The following ZNF320 variants were observed in gnomAD, a reference collection of about 807,000 sequenced individuals.
ZNF320 encodes the protein zinc finger gene 320.
ZNF320 carries 2 observed loss-of-function variants against 6.8 expected under a neutral mutation model. That is an observed-to-expected ratio of 0.29 (90% CI 0.12 to 0.93). ZNF320 has a LOEUF of 0.93. Among genes scored for constraint, ZNF320 ranks in the 40% least tolerant of loss-of-function variants. The pLI is 0.55. For synonymous variants in ZNF320, 208 were observed against 203.2 expected (o/e 1.02, Z -0.20); for missense variants, 472 against 611.0 (o/e 0.77, Z 2.40).
chr19:52,889,712 T>C (rs532183008), intron 4 of ZNF320, among the ~76,000 whole-genome samples: 1 of 152,196 alleles, frequency 6.6e-6, no homozygotes, highest in Non-Finnish European at 1.5e-5. Flanking sequence ...ATCATTCATA[T>C]CTATGTATGA....
chr19:52,867,182 A>AT (rs1206676159), intron 5 of ZNF320, among the ~76,000 whole-genome samples: 9 of 151,612 alleles, frequency 5.9e-5, no homozygotes, highest in East Asian at 3.9e-4. Flanking sequence ...TAATTAATTA[A>AT]TTAATTAATT....
chr19:52,861,525 G>A (rs1285467442), exon 6 of ZNF320, among the ~76,000 whole-genome samples: 2 of 152,188 alleles, frequency 1.3e-5, no homozygotes, highest in African/African-American at 2.4e-5. Flanking sequence ...GCACACGTCT[G>A]TTGGCCAGGC....
chr19:52,869,417 G>A (rs1052840207), intron 5 of ZNF320, among the ~76,000 whole-genome samples: 5 of 152,302 alleles, frequency 3.3e-5, no homozygotes, highest in South Asian at 2.1e-4. Flanking sequence ...GTGCAGCAGC[G>A]AAGGAGACCA....
intron 5 of ZNF320, among the ~76,000 whole-genome samples, chr19:52,869,497 G>C (rs1016749320): frequency 3.3e-5 from 5 of 152,178 alleles, no homozygotes; most frequent in African/African-American, 1.2e-4. Flanking sequence ...ACTGAGCGCA[G>C]TGGCTCATGC....
Position 52,881,476 on chromosome 19 carries a change from T to C in ZNF320, c.650A>G (p.Tyr217Cys), listed in dbSNP as rs747947369. The C allele has an allele frequency of 2.5e-6, 4 of 1,614,238 alleles. No homozygotes were observed. Among genetic ancestry groups the C allele is most frequent in the Middle Eastern group, 1.6e-4 (1 of 6,062 alleles). ...AACCTTGCCACATTCATTACATGTG[T>C]AATGTTTGTCTCCCCTGTGAATTCT... ...HTRIHRGDKH[Y>C]TCNECGKVFD... is the part of the protein sequence containing the mutation. The change falls in exon 6 of 6, where the codon TAC becomes TGC. Residue 217 changes from tyrosine to cysteine, a missense_variant. Transcript: ENST00000682928.
rs199761872 is a variant in ZNF320 at position 52,895,464 on chromosome 19, A to AAAACAAAC, written c.-269-1616_-269-1609dup. 6.9e-3 allele frequency: 1,045 copies of AAAACAAAC among 152,402 alleles called. 12 individuals are homozygous for AAAACAAAC. Among genetic ancestry groups the AAAACAAAC allele is most frequent in the African/African-American group, 0.024 (995 of 41,480 alleles). 9.4% of individuals were successfully genotyped at this position (152,402 alleles called of 1,614,324 possible). ...GGCAATAAGAGCAAAACTCCATCTC[A>AAAACAAAC]AAACAAACAAACAAAATAGGTCCTT... On this transcript the variant is annotated intron_variant, in intron 1 of 5. Coordinates refer to ENST00000682928, the MANE Select transcript of ZNF320 (RefSeq NM_001351774.2).
rs760523681 is a variant in ZNF320, at chr19:52,881,215, T to C, written c.911A>G (p.Asn304Ser). The C allele has an allele frequency of 6.2e-7, 1 of 1,614,082 alleles. No individual in the cohort carries two copies. The highest frequency in any genetic ancestry group is 1.3e-5 in the African/African-American group (1 of 74,938). ...VHTAEKPYKC[N>S]ECGKVFKQRA... Reference sequence around the variant, plus strand: ...TTGCTTAAAAACCTTGCCACATTCATTACACTTATAGGGTTTCTCTGCAGT... The same window carrying C: ...TTGCTTAAAAACCTTGCCACATTCACTACACTTATAGGGTTTCTCTGCAGT... Residue 304 changes from asparagine (N) to serine (S), a missense_variant, in exon 6 of 6, where the codon AAT (asparagine) becomes AGT (serine). Physicochemically the swap from Asn to Ser is conservative, Grantham distance 46. This residue lies in a region of ZNF320 where 462 missense variants were observed against 559.7 expected (regional missense o/e 0.83). Coordinates refer to ENST00000682928, the MANE Select transcript of ZNF320 (RefSeq NM_001351774.2).
Position 52,881,692 on chromosome 19 carries a change from T to G in ZNF320, c.434A>C (p.His145Pro). 6.2e-7 allele frequency: 1 copy of G among 1,614,012 alleles called. No individual in the cohort carries two copies. Among genetic ancestry groups the G allele is most frequent in the Non-Finnish European group, 8.5e-7 (1 of 1,179,894 alleles). ...PIKGQLESRF[H>P]LHLRRHRRIH... ...TCTCCTATGTCTTCGCAAATGCAAATGAAATCTTGATTCAAGCTGACCTTT... is the reference window on the plus strand; with the variant it reads ...TCTCCTATGTCTTCGCAAATGCAAAGGAAATCTTGATTCAAGCTGACCTTT... The change falls in exon 6 of 6, where the codon CAT becomes CCT. Residue 145 changes from histidine (H) to proline (P), a missense_variant. This residue lies in a region of ZNF320 where 462 missense variants were observed against 559.7 expected (regional missense o/e 0.83). Coordinates refer to ENST00000682928, the MANE Select transcript of ZNF320 (RefSeq NM_001351774.2).
intron 2 of ZNF320, chr19:52,891,963 C>G (rs1382661534): frequency 6.6e-6 from 1 of 152,184 alleles, no homozygotes; most frequent in Non-Finnish European, 1.5e-5. Context: ...AAAGAAACTT[C>G]TTTTGCAACG....
At chr19:52,897,264 C>T (rs2064502605) in intron 1 of ZNF320, among the ~76,000 whole-genome samples, 1 of 152,218 alleles carries the variant, frequency 6.6e-6, no homozygotes, top group Non-Finnish European at 1.5e-5. Flanking sequence ...AGGCAGAGGA[C>T]GCGGCCTCCC....
chr19:52,880,448 G>A lies in ZNF320; in HGVS notation c.*148C>T. ...ATTCATGACCTCAAGTGACCTACCTGTCTTGGCCTCTCAAAGTGCTGGGAT... is the reference window on the plus strand; with the variant it reads ...ATTCATGACCTCAAGTGACCTACCTATCTTGGCCTCTCAAAGTGCTGGGAT... On this transcript the variant is annotated 3_prime_UTR_variant, in exon 6 of 6. Coordinates refer to ENST00000682928, the MANE Select transcript of ZNF320 (RefSeq NM_001351774.2). 1.3e-6 allele frequency: 1 copy of A among 748,148 alleles called. No homozygotes were observed. The highest frequency in any genetic ancestry group is 2.1e-6 in the Non-Finnish European group (1 of 477,942). The allele number at this position is 748,148 out of a possible 1,614,324, so 46.3% of individuals were successfully genotyped here.
upstream of ZNF320, among the ~76,000 whole-genome samples, chr19:52,898,195 C>G (rs1047673855): frequency 6.6e-6 from 1 of 152,214 alleles, no homozygotes; most frequent in Non-Finnish European, 1.5e-5. Context: ...AAATCCTCTC[C>G]CTTTCTATTT....
At chr19:52,888,741 T>C (rs565640308) in intron 4 of ZNF320, among the ~76,000 whole-genome samples, 1 of 152,290 alleles carries the variant, frequency 6.6e-6, no homozygotes, top group South Asian at 2.1e-4. Flanking sequence ...TAGATGTTAA[T>C]ACAAAGGGTT....
rs150065561 is a variant in ZNF320, at chr19:52,890,186, G to A, written c.15+55C>T. ...TAAGAGAAGATTCCCAACTCCAGGC[G>A]CCAGCATTTCTGAAAGGAAGGAGAC... is the stretch of plus-strand genomic sequence containing the variant. On this transcript the variant is annotated intron_variant, in intron 4 of 5. Transcript: ENST00000682928. The A allele has an allele frequency of 9.7e-5, 155 of 1,597,286 alleles. No individual in the cohort carries two copies. In the African/African-American group the frequency reaches 1.6e-3, roughly 17 times the overall value.
intron 1 of ZNF320, chr19:52,894,945 C>T (rs1719173244): frequency 6.6e-6 from 1 of 152,288 alleles, no homozygotes; most frequent in Non-Finnish European, 1.5e-5. Context: ...CAATGGTAGT[C>T]ATAAGCTGTA....
chr19:52,862,483 G>A (rs992433542), exon 6 of ZNF320: 4 of 352,182 alleles, frequency 1.1e-5, no homozygotes, highest in African/African-American at 4.3e-5. Flanking sequence ...TGTAAAATTG[G>A]CCACATTTAT....
rs774802100 is a variant in ZNF320 at position 52,880,602 on chromosome 19, A to G, written c.1524T>C (p.Ile508=). ...TGCTGATTTGACTCTGATGTCAATT[A>G]ATGCTTGATGGTTTGCTATACTCAT... The part of the protein sequence containing the change: ...KCNEYSKPSS[I]N Residue 508 remains isoleucine (I), a synonymous_variant, in exon 6 of 6, where the codon ATT becomes ATC. Transcript: ENST00000682928. 2.9e-5 allele frequency: 47 copies of G among 1,595,298 alleles called. No homozygotes were observed. Among genetic ancestry groups the G allele is most frequent in the Non-Finnish European group, 3.8e-5 (44 of 1,172,538 alleles).
At chr19:52,862,394 T>C in exon 6 of ZNF320, 1 of 475,274 alleles carries the variant, frequency 2.1e-6, no homozygotes, top group Non-Finnish European at 4.3e-6. Flanking sequence ...TTTCAAGCTG[T>C]GATTTACGAC....
intron 5 of ZNF320, among the ~76,000 whole-genome samples, chr19:52,864,950 T>C (rs1210436791): frequency 3.3e-5 from 5 of 151,936 alleles, no homozygotes; most frequent in Admixed American, 2.6e-4. Flanking sequence ...GAGGTAGAGC[T>C]TGCAGTGAGC....
Sources: allele counts gnomAD v4.1 joint callset (sites outside exome capture counted in the v4.1 genomes callset), GRCh38; gene constraint gnomAD v4.1.1; regional missense constraint gnomAD v4.1.1; transcripts MANE v1.5; gene names NCBI Gene and HGNC (gene_info 2026-07-23, HGNC 2026-07-21).